Variants in SLC4A4 observed in about 807,000 individuals in gnomAD.
SLC4A4 encodes the protein solute carrier family 4 member 4.
Under a neutral mutation model 111.5 loss-of-function variants are expected in SLC4A4, and 27 were observed. The ratio of observed to expected loss-of-function variants is 0.24; its 90% CI spans 0.18 to 0.33. The LOEUF (loss-of-function observed/expected upper bound fraction) is 0.33, where lower values mean the gene tolerates loss of function less well. Ranked by LOEUF, SLC4A4 falls within the 10% of genes least tolerant of loss-of-function variation. The pLI, the probability that SLC4A4 is intolerant of heterozygous loss-of-function variation, is 1.00. For missense variants in SLC4A4, 909 were observed against 1,315.5 expected, an observed-to-expected ratio of 0.69 and a Z score of 4.78; for synonymous variants, 443 against 463.4, an observed-to-expected ratio of 0.96 and a Z score of 0.57.
intron 13 of SLC4A4, among the ~76,000 whole-genome samples, chr4:71,468,193 G>T (rs867761290): frequency 1.3e-5 from 2 of 152,038 alleles, no homozygotes; most frequent in East Asian, 1.9e-4. Flanking sequence ...ACATTGGAAA[G>T]AATTTTATTC....
intron 6 of SLC4A4, among the ~76,000 whole-genome samples, chr4:71,364,911 C>A (rs891968945): frequency 6.6e-6 from 1 of 152,018 alleles, no homozygotes; most frequent in South Asian, 2.1e-4. Context: ...TTCATTTATA[C>A]GAAAATATTC....
intron 1 of SLC4A4, among the ~76,000 whole-genome samples, chr4:71,074,026 G>C (rs767556855): frequency 6.6e-6 from 1 of 151,788 alleles, no homozygotes; most frequent in Non-Finnish European, 1.5e-5. Flanking sequence ...GCCAGATGCT[G>C]TCTCAAGAAA....
chr4:71,146,571 G>C (rs978716458), intron 2 of SLC4A4, among the ~76,000 whole-genome samples: 1 of 152,132 alleles, frequency 6.6e-6, no homozygotes, highest in East Asian at 1.9e-4. Flanking sequence ...CATTATTATT[G>C]TGTGGGAGTC....
At chr4:71,074,819 T>A (rs1311718164) in intron 1 of SLC4A4, among the ~76,000 whole-genome samples, 2 of 152,144 alleles carry the variant, frequency 1.3e-5, no homozygotes, top group Non-Finnish European at 2.9e-5. Context: ...GGAAAATGAG[T>A]TGCTCAGCAG....
chr4:71,458,608 C>G (rs1351476579), intron 12 of SLC4A4, among the ~76,000 whole-genome samples: 1 of 152,004 alleles, frequency 6.6e-6, no homozygotes, highest in East Asian at 1.9e-4. Context: ...TAATAAGGAA[C>G]ATTTATAGTT....
intron 10 of SLC4A4, among the ~76,000 whole-genome samples, chr4:71,450,830 C>T (rs1004824907): frequency 3.3e-5 from 5 of 152,050 alleles, no homozygotes; most frequent in Admixed American, 2.0e-4. Flanking sequence ...TTTTGGGGAC[C>T]CCCTGTATAT....
At chr4:71,235,715 T>G (rs1033002120) in intron 1 of SLC4A4, among the ~76,000 whole-genome samples, 10 of 152,240 alleles carry the variant, frequency 6.6e-5, no homozygotes, top group African/African-American at 2.4e-4. Flanking sequence ...AACGCTGTCA[T>G]TCCTTGGATG....
upstream of SLC4A4, among the ~76,000 whole-genome samples, chr4:71,184,460 G>T (rs1560764758): frequency 1.3e-5 from 2 of 152,132 alleles, no homozygotes; most frequent in Admixed American, 1.3e-4. Flanking sequence ...TAGGACCTTG[G>T]ATGATACGAA....
intron 1 of SLC4A4, among the ~76,000 whole-genome samples, chr4:71,065,779 C>T (rs1257835432): frequency 6.6e-6 from 1 of 152,128 alleles, no homozygotes; most frequent in Non-Finnish European, 1.5e-5. Flanking sequence ...CTCTGAGGTA[C>T]CATCCTAAGT....
At chr4:71,178,093 G>A (rs1385235845) in intron 2 of SLC4A4, among the ~76,000 whole-genome samples, 3 of 152,032 alleles carry the variant, frequency 2.0e-5, no homozygotes, top group African/African-American at 4.8e-5. Flanking sequence ...GGTACATAAC[G>A]AAATGAAGGC....
At position 71,410,532 on chromosome 4, in the gene SLC4A4, C is replaced by G. The variant is rs535788399; in HGVS notation, c.807+12879C>G. Among the ~76,000 whole-genome samples the G allele has an allele frequency of 4.6e-5, 7 of 152,296 alleles. No homozygotes were observed. In the East Asian group the frequency reaches 1.2e-3, roughly 25 times the overall value. On this transcript the variant is annotated intron_variant, in intron 7 of 25. Coordinates refer to ENST00000264485, the MANE Select transcript of SLC4A4 (RefSeq NM_001098484.3). ...TGTATTTACCCAATACCTGTACTCC[C>G]ATTGTATCTAGGAAGTAACTAGCTT... is the stretch of plus-strand genomic sequence containing the variant.
chr4:71,251,200 C>T (rs1721049400), intron 2 of SLC4A4, among the ~76,000 whole-genome samples: 1 of 152,216 alleles, frequency 6.6e-6, no homozygotes, highest in African/African-American at 2.4e-5. Flanking sequence ...AGTGTTAAAT[C>T]ATCCTTGGTA....
intron 2 of SLC4A4, among the ~76,000 whole-genome samples, chr4:71,163,038 A>C (rs933565795): frequency 2.0e-5 from 3 of 152,218 alleles, no homozygotes; most frequent in African/African-American, 7.2e-5. Context: ...GATAGAAAGG[A>C]AAGAACTTTT....
At position 71,501,650 on chromosome 4, in the gene SLC4A4, G is replaced by GTTAA. The variant is rs143207196; in HGVS notation, c.2166+3960_2166+3963dup. ...TTTTTATTTTTAATTTAATTAATTA[G>GTTAA]TTAATATTTTTTGTTTGTTTGTTTG... On this transcript the variant is annotated intron_variant, in intron 16 of 25. Coordinates refer to ENST00000264485, the MANE Select transcript of SLC4A4 (RefSeq NM_001098484.3). Among the ~76,000 whole-genome samples the GTTAA allele has an allele frequency of 8.9e-3, 1,331 of 149,818 alleles. 20 individuals carry two copies. The highest frequency in any genetic ancestry group is 0.03 in the African/African-American group (1,216 of 40,900).
intron 3 of SLC4A4, among the ~76,000 whole-genome samples, chr4:71,258,912 A>G (rs910184025): frequency 1.3e-5 from 2 of 152,158 alleles, no homozygotes; most frequent in South Asian, 2.1e-4. Flanking sequence ...AATTTTTTAT[A>G]TACACTTAAA....
intron 18 of SLC4A4, among the ~76,000 whole-genome samples, chr4:71,534,596 AAAG>A (rs1734248005): frequency 1.3e-5 from 2 of 152,132 alleles, no homozygotes; most frequent in East Asian, 3.9e-4. Context: ...GAAAAAAAAA[AAAG>A]GTTTCAAATC....
At chr4:71,211,323 G>A (rs1718118589) in intron 1 of SLC4A4, among the ~76,000 whole-genome samples, 1 of 151,934 alleles carries the variant, frequency 6.6e-6, no homozygotes, top group East Asian at 1.9e-4. Context: ...TGTAAATTTA[G>A]GTCTGTCATC....
intron 2 of SLC4A4, among the ~76,000 whole-genome samples, chr4:71,241,866 C>G (rs1720259542): frequency 6.6e-6 from 1 of 152,208 alleles, no homozygotes; most frequent in South Asian, 2.1e-4. Context: ...AGGTTGAGCC[C>G]ATACAGACCT....
intron 2 of SLC4A4, among the ~76,000 whole-genome samples, chr4:71,253,388 A>T (rs556935028): frequency 2.6e-5 from 4 of 152,302 alleles, no homozygotes; most frequent in African/African-American, 9.6e-5. Context: ...ATATAACATC[A>T]TATGGCAATA....
Sources: gnomAD v4.1 joint callset for allele counts (sites outside exome capture counted in the v4.1 genomes callset) on GRCh38, gnomAD v4.1.1 for gene constraint, MANE v1.5 for transcripts, NCBI Gene and HGNC (gene_info 2026-07-23, HGNC 2026-07-21) for gene names.